PTK2B: variants seen among roughly 807,000 people sequenced by gnomAD.
The protein encoded by PTK2B is protein-tyrosine kinase 2-beta.
A neutral mutation model predicts 142.9 loss-of-function variants in PTK2B; 71 were observed. That is an observed-to-expected ratio of 0.50 (90% CI 0.41 to 0.61). The LOEUF is 0.61. PTK2B is among the 20% of genes least tolerant of loss of function. The pLI, the probability that PTK2B is intolerant of heterozygous loss-of-function variation, is 0.00. For missense variants in PTK2B, 1,105 were observed against 1,320.4 expected (o/e 0.84, Z 2.53); for synonymous variants, 519 against 503.4 (o/e 1.03, Z -0.42).
chr8:27,314,556 A>G (rs1359640510), intron 3 of PTK2B, among the ~76,000 whole-genome samples: 1 of 152,262 alleles, frequency 6.6e-6, no homozygotes, highest in Non-Finnish European at 1.5e-5. Context: ...GGCGTAGGCC[A>G]AGTAAATAAC....
At chr8:27,310,834 C>A (rs1006239468), upstream of PTK2B, 1 of 1,607,250 alleles carries the variant, frequency 6.2e-7, no homozygotes, top group Admixed American at 1.7e-5. Context: ...TCACCGGCTG[C>A]ACGCGGTGCC....
intron 1 of PTK2B, among the ~76,000 whole-genome samples, chr8:27,362,759 G>A (rs898478074): frequency 2.0e-5 from 3 of 152,180 alleles, no homozygotes; most frequent in Non-Finnish European, 4.4e-5. Context: ...CAGGCAAAGA[G>A]CCGTTACCAT....
At chr8:27,386,916 T>C (rs528604797) in intron 1 of PTK2B, among the ~76,000 whole-genome samples, 3 of 152,242 alleles carry the variant, frequency 2.0e-5, no homozygotes, top group Non-Finnish European at 4.4e-5. Context: ...TTTTTCTGTT[T>C]ATTACATGTA....
intron 2 of PTK2B, among the ~76,000 whole-genome samples, chr8:27,411,471 T>G (rs3757909): frequency 0.82 from 124,741 of 152,138 alleles, 51,654 homozygotes; most frequent in Middle Eastern, 0.95. Flanking sequence ...AGAGCCCCTA[T>G]CTCTGTTTTG....
intron 2 of PTK2B, among the ~76,000 whole-genome samples, chr8:27,404,620 C>A (rs116433564): frequency 6.6e-6 from 1 of 152,136 alleles, no homozygotes. Context: ...GCAGCCTGGT[C>A]CACACACACC....
intron 10 of PTK2B, 23 bp from the exon 11 acceptor site, chr8:27,433,412 C>T (rs745546510): frequency 6.3e-7 from 1 of 1,599,674 alleles, no homozygotes; most frequent in South Asian, 1.1e-5. Context: ...GGGTCTCACC[C>T]TTGGCTGGTC....
chr8:27,458,496 C>T lies in PTK2B; in HGVS notation c.3017C>T (p.Pro1006Leu). The T allele has an allele frequency of 6.3e-7, 1 of 1,576,150 alleles. No homozygotes were observed. ...AAGGTTCTGGCCAATCTGGCCCACC[C>T]ACCTGCAGAGTGACGGAGGGTGGGG... ...QAKVLANLAH[P>L]PAE The change falls in exon 31 of 31, where the codon CCA becomes CTA. Residue 1006 changes from proline (P) to leucine (L), a missense_variant. Coordinates refer to ENST00000346049, the MANE Select transcript of PTK2B (RefSeq NM_173176.3).
At chr8:27,311,394 G>T (rs1356118988), upstream of PTK2B, 4 of 865,300 alleles carry the variant, frequency 4.6e-6, no homozygotes, top group Non-Finnish European at 6.7e-6. Flanking sequence ...GGGGGATGGC[G>T]AGGGGGAGGG....
chr8:27,451,955 C>G, intron 27 of PTK2B: 1 of 215,146 alleles, frequency 4.6e-6, no homozygotes, highest in Non-Finnish European at 8.2e-6. Context: ...CCAGAAGACC[C>G]TGTTGCAGGC....
chr8:27,369,123 C>T (rs1806188224), intron 1 of PTK2B, among the ~76,000 whole-genome samples: 1 of 152,200 alleles, frequency 6.6e-6, no homozygotes, highest in Non-Finnish European at 1.5e-5. Flanking sequence ...AATGGAATAA[C>T]ATCTCTTCCT....
At position 27,430,083 on chromosome 8, in the gene PTK2B, A is replaced by G. The variant is rs900683474; in HGVS notation, c.552-10A>G. The G allele has an allele frequency of 3.3e-5, 53 of 1,612,306 alleles. No individual in the cohort carries two copies. Among genetic ancestry groups the G allele is most frequent in the Non-Finnish European group, 4.3e-5 (51 of 1,178,500 alleles). On this transcript the variant is annotated splice_polypyrimidine_tract_variant and intron_variant, in intron 5 of 30. Coordinates refer to ENST00000346049, the MANE Select transcript of PTK2B (RefSeq NM_173176.3). ...CCTTCAGCCTCCCTCTCCACCACCTATTTCTCCAGGCGGTTCTTCAAGGAT... is the reference window on the plus strand; with the variant it reads ...CCTTCAGCCTCCCTCTCCACCACCTGTTTCTCCAGGCGGTTCTTCAAGGAT...
At chr8:27,348,341 G>A (rs1563208296) in intron 1 of PTK2B, among the ~76,000 whole-genome samples, 1 of 152,166 alleles carries the variant, frequency 6.6e-6, no homozygotes, top group Non-Finnish European at 1.5e-5. Context: ...TCCTCTGCAT[G>A]ACAGGACTCT....
intron 1 of PTK2B, among the ~76,000 whole-genome samples, chr8:27,381,765 A>G (rs1376038767): frequency 6.6e-6 from 1 of 152,220 alleles, no homozygotes; most frequent in Non-Finnish European, 1.5e-5. Flanking sequence ...ACTAATTTAC[A>G]TTCCCACCAA....
intron 1 of PTK2B, among the ~76,000 whole-genome samples, chr8:27,379,175 T>C (rs1239006980): frequency 1.3e-5 from 2 of 152,188 alleles, no homozygotes; most frequent in Non-Finnish European, 2.9e-5. Flanking sequence ...GAAGTGAGTC[T>C]TTAGATGTAT....
upstream of PTK2B, chr8:27,322,966 C>T (rs888697581): frequency 6.6e-6 from 1 of 152,250 alleles, no homozygotes; most frequent in Non-Finnish European, 1.5e-5. Flanking sequence ...CTGGTAAGAG[C>T]TTCACTTGAA....
intron 4 of PTK2B, among the ~76,000 whole-genome samples, 160 bp downstream of exon 4, chr8:27,420,904 G>T (rs74493758): frequency 6.6e-6 from 1 of 152,238 alleles, no homozygotes; most frequent in Non-Finnish European, 1.5e-5. Context: ...TATGGTCCGC[G>T]GCTCCAACCC....
At chr8:27,381,345 C>T (rs1316642578) in intron 1 of PTK2B, among the ~76,000 whole-genome samples, 1 of 152,216 alleles carries the variant, frequency 6.6e-6, no homozygotes, top group African/African-American at 2.4e-5. Flanking sequence ...ACCTTCCACC[C>T]TGCCCTTCCC....
intron 2 of PTK2B, among the ~76,000 whole-genome samples, chr8:27,402,656 G>C (rs116491725): frequency 2.0e-5 from 3 of 152,260 alleles, no homozygotes; most frequent in Middle Eastern, 3.4e-3. Context: ...CCCTGCTTTC[G>C]TAGGGCTTCC....
At chr8:27,335,151 C>T (rs931830908) in intron 1 of PTK2B, among the ~76,000 whole-genome samples, 2 of 152,232 alleles carry the variant, frequency 1.3e-5, no homozygotes, top group African/African-American at 2.4e-5. Context: ...TGTACACAGA[C>T]ATAGCCTTGG....
Sources: gnomAD v4.1 joint callset for allele counts (sites outside exome capture counted in the v4.1 genomes callset) on GRCh38, gnomAD v4.1.1 for gene constraint, MANE v1.5 for transcripts, NCBI Gene and HGNC (gene_info 2026-07-23, HGNC 2026-07-21) for gene names.